Variants in MYO18A observed in about 807,000 individuals in gnomAD.
The protein encoded by MYO18A is unconventional myosin-XVIIIa.
MYO18A carries 78 observed loss-of-function variants against 235.8 expected under a neutral mutation model. The ratio of observed to expected loss-of-function variants is 0.33; its 90% CI spans 0.28 to 0.40. The LOEUF (loss-of-function observed/expected upper bound fraction) is 0.40. Among genes scored for constraint, MYO18A ranks in the 10% least tolerant of loss-of-function variants. The probability of loss-of-function intolerance (pLI) is 1.00; values close to 1 mark genes in which losing one functional copy is unlikely to be tolerated. For synonymous variants in MYO18A, 977 were observed against 1,077.8 expected (o/e 0.91, Z 1.83); for missense variants, 2,215 against 2,699.3 (o/e 0.82, Z 3.98).
At position 29,158,709 on chromosome 17, in the gene MYO18A, G is replaced by A. The variant is rs1414554715; in HGVS notation, c.999+7233C>T. On this transcript the variant is annotated intron_variant, in intron 2 of 41. Transcript: ENST00000527372. The surrounding 1 kb of genome is among the most constrained non-coding windows in gnomAD (Gnocchi z 4.3). ...TAGAATACAGCAGCTTAGTGCATTG[G>A]GGTGGCGGGAGCCCTGCTGGCAGGC... Among the ~76,000 whole-genome samples the A allele has an allele frequency of 6.6e-6, 1 of 152,174 alleles. No individual in the cohort carries two copies. The highest frequency in any genetic ancestry group is 1.5e-5 in the Non-Finnish European group (1 of 68,018).
In MYO18A at chr17:29,114,900, G is replaced by T; in HGVS notation, c.2511+7C>A. The T allele has an allele frequency of 6.2e-7, 1 of 1,610,584 alleles. No homozygotes were observed. The highest frequency in any genetic ancestry group is 1.1e-5 in the South Asian group (1 of 90,716). ...GAGGCTAGATGAGGCCCAGGCCCCA[G>T]AGCTACCTCCTTGTATCTTTCCAAC... On this transcript the variant is annotated splice_region_variant and intron_variant, in intron 14 of 41. Coordinates refer to ENST00000527372, the MANE Select transcript of MYO18A (RefSeq NM_078471.4).
At chr17:29,131,314 T>G (rs1234303562) in intron 2 of MYO18A, 1 of 861,612 alleles carries the variant, frequency 1.2e-6, no homozygotes, top group Non-Finnish European at 1.4e-6. Flanking sequence ...CACACACACA[T>G]GCACGCATGC....
At chr17:29,161,411 C>T (rs2068170538) in intron 2 of MYO18A, among the ~76,000 whole-genome samples, 1 of 150,218 alleles carries the variant, frequency 6.7e-6, no homozygotes. Context: ...CCTGTGGTCC[C>T]AGCTTCTCAG....
chr17:29,116,613 G>GCACA (rs144361514), intron 10 of MYO18A, among the ~76,000 whole-genome samples, 158 bp from the exon 11 acceptor site: 202 of 144,924 alleles, frequency 1.4e-3, no homozygotes, highest in South Asian at 0.01. Context: ...TGGGACAAAC[G>GCACA]CACACACACA....
chr17:29,176,268 G>A (rs2068524062), intron 1 of MYO18A, among the ~76,000 whole-genome samples: 1 of 152,122 alleles, frequency 6.6e-6, no homozygotes, highest in Admixed American at 6.5e-5. Context: ...TTTAAGGATT[G>A]CCTTCATGTC....
chr17:29,086,387 G>A, intron 39 of MYO18A, 51 bp downstream of exon 39: 1 of 1,553,268 alleles, frequency 6.4e-7, no homozygotes, highest in Non-Finnish European at 8.7e-7. Flanking sequence ...TCCAGAGGTG[G>A]TCAAGAGGGC....
chr17:29,086,020 C>A (rs78994126), intron 39 of MYO18A, among the ~76,000 whole-genome samples: 3,494 of 152,362 alleles, frequency 0.023, 117 homozygotes, highest in African/African-American at 0.079. Flanking sequence ...ACTGTCTCCT[C>A]AGCCTAAGAC....
intron 2 of MYO18A, among the ~76,000 whole-genome samples, chr17:29,141,844 T>G (rs949627312): frequency 2.0e-5 from 3 of 152,232 alleles, no homozygotes; most frequent in African/African-American, 7.2e-5. Flanking sequence ...TGAAATCCAC[T>G]GGGGAACTTG....
intron 2 of MYO18A, among the ~76,000 whole-genome samples, chr17:29,154,213 C>T (rs1372625408): frequency 2.0e-5 from 3 of 151,992 alleles, no homozygotes; most frequent in Non-Finnish European, 4.4e-5. Flanking sequence ...TTCCCCAGGT[C>T]GAAGTTAGGT....
chr17:29,096,618 C>T (rs1216545132), intron 28 of MYO18A, 143 bp downstream of exon 28: 9 of 1,103,068 alleles, frequency 8.2e-6, no homozygotes, highest in South Asian at 3.8e-5. Context: ...GGCCCCTTCA[C>T]GTTCCAAGAT....
At chr17:29,085,730 G>C in intron 39 of MYO18A, 82 bp from the exon 40 acceptor site, 1 of 1,392,506 alleles carries the variant, frequency 7.2e-7, no homozygotes, top group Non-Finnish European at 1.0e-6. Context: ...GGACCCCTTA[G>C]CTGAAGACCT....
intron 34 of MYO18A, among the ~76,000 whole-genome samples, chr17:29,092,124 G>C (rs1240600216): frequency 6.6e-6 from 1 of 152,232 alleles, no homozygotes; most frequent in Non-Finnish European, 1.5e-5. Flanking sequence ...ATGGGCCCTT[G>C]CTGGCTCCCT....
chr17:29,097,080 C>T, intron 27 of MYO18A, 143 bp downstream of exon 27: 1 of 1,416,002 alleles, frequency 7.1e-7, no homozygotes. Flanking sequence ...CCTGATTGCC[C>T]CTGCACCAAG....
At chr17:29,122,327 A>G (rs1269418791) in intron 2 of MYO18A, 74 bp from the exon 3 acceptor site, 1 of 1,385,246 alleles carries the variant, frequency 7.2e-7, no homozygotes, top group East Asian at 2.5e-5. Flanking sequence ...GAGGGGAGAC[A>G]AGTGAGGGCA....
In MYO18A at chr17:29,098,188, T is replaced by TA; in HGVS notation, c.3906dup (p.Asn1303Ter). On this transcript the variant is annotated frameshift_variant, in exon 25 of 42. Coordinates refer to ENST00000527372, the MANE Select transcript of MYO18A (RefSeq NM_078471.4). LOFTEE classifies it high-confidence loss of function. ...AGCTGGGAGGCGGACTCTCCTGTGT[T>TA]ACGCTCATCTGTCAGCTCCGATGTC... The TA allele has an allele frequency of 6.2e-7, 1 of 1,614,000 alleles. No homozygotes were observed. Among genetic ancestry groups the TA allele is most frequent in the South Asian group, 1.1e-5 (1 of 91,086 alleles).
intron 2 of MYO18A, chr17:29,129,047 G>A (rs527349367): frequency 6.3e-5 from 81 of 1,289,316 alleles, no homozygotes; most frequent in Admixed American, 2.8e-4. Context: ...ACTCCAGGGC[G>A]TCCTGACCTT....
At position 29,090,938 on chromosome 17, in the gene MYO18A, C is replaced by G. The variant is rs1568048046; in HGVS notation, c.5188-12G>C. The G allele has an allele frequency of 1.9e-6, 3 of 1,610,550 alleles. No individual in the cohort carries two copies. Among genetic ancestry groups the G allele is most frequent in the Non-Finnish European group, 2.5e-6 (3 of 1,177,452 alleles). On this transcript the variant is annotated splice_polypyrimidine_tract_variant and intron_variant, in intron 34 of 41. Coordinates refer to ENST00000527372, the MANE Select transcript of MYO18A (RefSeq NM_078471.4). The stretch of plus-strand genomic sequence containing the variant: ...AGCTGCTCCTCCAGCTGGAGAGAGG[C>G]AAAGACAGATCAGAGGGCCTCAGGC...
Position 29,140,469 on chromosome 17 carries a change from C to T in MYO18A, c.1000-18216G>A, listed in dbSNP as rs9893528. On this transcript the variant is annotated intron_variant, in intron 2 of 41. Transcript: ENST00000527372. The surrounding 1 kb of genome is among the most constrained non-coding windows in gnomAD (Gnocchi z 4.2). ...TTCCCGCCCTCTCCCCGGCCCCTCCCGTCCCGAGCTGCCCAGCCCTAGTTG... is the reference window on the plus strand; with the variant it reads ...TTCCCGCCCTCTCCCCGGCCCCTCCTGTCCCGAGCTGCCCAGCCCTAGTTG... 0.06 allele frequency: 72,321 copies of T among 1,200,710 alleles called. 3,039 individuals carry two copies. The highest frequency in any genetic ancestry group is 0.16 in the South Asian group (10,866 of 68,234). 74.4% of individuals were successfully genotyped at this position (1,200,710 alleles called of 1,614,324 possible).
chr17:29,092,514 AG>A (rs2066421928), intron 33 of MYO18A, 58 bp from the exon 34 acceptor site: 4 of 1,383,182 alleles, frequency 2.9e-6, no homozygotes, highest in Non-Finnish European at 4.0e-6. Flanking sequence ...TGGGGGCAGG[AG>A]GGCTGTACAG....
Sources: gnomAD v4.1 joint callset for allele counts (sites outside exome capture counted in the v4.1 genomes callset) on GRCh38, gnomAD v4.1.1 for gene constraint, Gnocchi (gnomAD v3.1) non-coding constraint, MANE v1.5 for transcripts, NCBI Gene and HGNC (gene_info 2026-07-23, HGNC 2026-07-21) for gene names.